Variants in TRPC7 observed in about 807,000 individuals in gnomAD.
The protein encoded by TRPC7 is short transient receptor potential channel 7.
TRPC7 carries 42 observed loss-of-function variants against 90.1 expected under a neutral mutation model. That is an observed-to-expected ratio of 0.47 (90% CI 0.36 to 0.60). The LOEUF (loss-of-function observed/expected upper bound fraction) is 0.60. Ranked by LOEUF, TRPC7 falls within the 20% of genes least tolerant of loss-of-function variation. The pLI, the probability that TRPC7 is intolerant of heterozygous loss-of-function variation, is 0.00. For synonymous variants in TRPC7, 451 were observed against 436.3 expected (o/e 1.03, Z -0.42); for missense variants, 955 against 1,112.3 (o/e 0.86, Z 2.01).
chr5:136,357,121 C>T lies in TRPC7; in HGVS notation c.267G>A (p.Glu89=), dbSNP rs1368183118. Residue 89 remains glutamate (E), a synonymous_variant, in exon 2 of 12, where the codon GAG becomes GAA. Coordinates refer to ENST00000513104, the MANE Select transcript of TRPC7 (RefSeq NM_020389.3). ...GCAGCAGCTCCGTGACCTCTAGGTG[C>T]TCGTTGCCCACGGCCAGCTGCAGAG... ...QNALQLAVGN[E]HLEVTELLLK... The T allele has an allele frequency of 1.2e-6, 2 of 1,614,024 alleles. No homozygotes were observed. Among genetic ancestry groups the T allele is most frequent in the Non-Finnish European group, 1.7e-6 (2 of 1,180,038 alleles).
At chr5:136,228,590 C>T (rs1335610385) in intron 8 of TRPC7, among the ~76,000 whole-genome samples, 1 of 147,238 alleles carries the variant, frequency 6.8e-6, no homozygotes, top group Non-Finnish European at 1.5e-5. Flanking sequence ...GCAGAGCTCT[C>T]TGCTGGAGAA....
Position 136,357,111 on chromosome 5 carries a change from C to T in TRPC7, c.277G>A (p.Val93Ile). ...QLAVGNEHLE[V>I]TELLLKKENL... ...TCCTTCTTCAGCAGCAGCTCCGTGACCTCTAGGTGCTCGTTGCCCACGGCC... is the reference window on the plus strand; with the variant it reads ...TCCTTCTTCAGCAGCAGCTCCGTGATCTCTAGGTGCTCGTTGCCCACGGCC... The change falls in exon 2 of 12, where the codon GTC becomes ATC. Residue 93 changes from valine to isoleucine, a missense_variant. By Grantham distance (29) the Val-to-Ile change is conservative. Transcript: ENST00000513104. 6.2e-7 allele frequency: 1 copy of T among 1,614,134 alleles called. No individual in the cohort carries two copies. Among genetic ancestry groups the T allele is most frequent in the Non-Finnish European group, 8.5e-7 (1 of 1,180,014 alleles).
At position 136,356,862 on chromosome 5, in the gene TRPC7, C is replaced by T. The variant is rs1488830808; in HGVS notation, c.526G>A (p.Glu176Lys). 6.2e-7 allele frequency: 1 copy of T among 1,613,934 alleles called. No homozygotes were observed. Among genetic ancestry groups the T allele is most frequent in the East Asian group, 2.2e-5 (1 of 44,862 alleles). ...TPIILAAHCQ[E>K]YEIVHILLLK... ...AGCAGGATGTGCACGATCTCATACT[C>T]CTGGCAGTGCGCCGCCAGGATGATG... is the stretch of plus-strand genomic sequence containing the variant. The change falls in exon 2 of 12, where the codon GAG (glutamate) becomes AAG (lysine). Residue 176 changes from glutamate to lysine, a missense_variant. Around this residue, in one of 4 missense-constraint regions of TRPC7, gnomAD observed 484 missense variants for 509.6 expected, o/e 0.95. Coordinates refer to ENST00000513104, the MANE Select transcript of TRPC7 (RefSeq NM_020389.3).
intron 2 of TRPC7, among the ~76,000 whole-genome samples, chr5:136,323,863 G>C (rs989883684): frequency 2.0e-5 from 3 of 152,198 alleles, no homozygotes; most frequent in Admixed American, 1.3e-4. Context: ...TCTACAAGAA[G>C]TTCTGCTGAA....
Position 136,231,343 on chromosome 5 carries a change from C to A in TRPC7, c.2040+11G>T. 1 of 1,581,234 alleles carries A rather than the reference C, an allele frequency of 6.3e-7. No homozygotes were observed. Among genetic ancestry groups the A allele is most frequent in the Non-Finnish European group, 8.6e-7 (1 of 1,157,586 alleles). On this transcript the variant is annotated intron_variant, in intron 8 of 11. Transcript: ENST00000513104. ...GAAGGAGAGCAAGCATTTTCAGTGA[C>A]CTGGCCTTACCTCAATTTCCTGATA...
At chr5:136,272,840 A>G (rs1014479690) in intron 4 of TRPC7, among the ~76,000 whole-genome samples, 1 of 151,980 alleles carries the variant, frequency 6.6e-6, no homozygotes, top group Admixed American at 6.6e-5. Flanking sequence ...AGGTGCTATT[A>G]CCTTCCTGGA....
In TRPC7 at chr5:136,339,839, GCAACAACAACAA is replaced by G. The variant is rs10573372; in HGVS notation, c.780+16757_780+16768del. 1.1e-4 allele frequency among the ~76,000 whole-genome samples: 15 copies of G among 138,222 alleles called. No individual in the cohort carries two copies. The East Asian group carries it at 2.5e-3, about 23-fold the overall frequency. The allele number at this position is 138,222 out of a possible 152,430, so 90.7% of individuals were successfully genotyped here. ...TGGTGATAATTAAACTCTCTCTACTGCAACAACAACAACAACAACAACAACAACAACAACAAA... is the reference window on the plus strand; with the variant it reads ...TGGTGATAATTAAACTCTCTCTACTGCAACAACAACAACAACAACAACAAA... On this transcript the variant is annotated intron_variant, in intron 2 of 11. Transcript: ENST00000513104.
chr5:136,217,152 GAGGA>G (rs1018555996), intron 10 of TRPC7, among the ~76,000 whole-genome samples: 2 of 152,210 alleles, frequency 1.3e-5, no homozygotes, highest in African/African-American at 4.8e-5. Context: ...GTGTGGAAGA[GAGGA>G]AGGGATTTCC....
Position 136,337,723 on chromosome 5 carries a change from T to A in TRPC7, c.780+18885A>T, listed in dbSNP as rs147038052. Among the ~76,000 whole-genome samples, 212 of 151,548 alleles carry A rather than the reference T, an allele frequency of 1.4e-3. 1 individual carries two copies. The highest frequency in any genetic ancestry group is 4.8e-3 in the African/African-American group (198 of 41,322). Reference sequence around the variant, plus strand: ...AAGACTTCAAATTTCCAATGTGCTATGAGAAAACATTGGGTGAATTATTTA... The same window carrying A: ...AAGACTTCAAATTTCCAATGTGCTAAGAGAAAACATTGGGTGAATTATTTA... On this transcript the variant is annotated intron_variant, in intron 2 of 11. Coordinates refer to ENST00000513104, the MANE Select transcript of TRPC7 (RefSeq NM_020389.3).
chr5:136,356,556 T>G (rs778268400), intron 2 of TRPC7, 52 bp downstream of exon 2: 20 of 1,476,940 alleles, frequency 1.4e-5, no homozygotes, highest in Non-Finnish European at 1.7e-5. Flanking sequence ...TGGACACACG[T>G]GGAAGAGCCC....
intron 3 of TRPC7, among the ~76,000 whole-genome samples, chr5:136,295,535 C>T (rs2149827447): frequency 6.6e-6 from 1 of 152,192 alleles, no homozygotes; most frequent in South Asian, 2.1e-4. Flanking sequence ...CCCCAGTAGT[C>T]CCCAGTGCCC....
intron 3 of TRPC7, among the ~76,000 whole-genome samples, chr5:136,299,144 A>T (rs1195933823): frequency 1.3e-5 from 2 of 152,056 alleles, no homozygotes; most frequent in Admixed American, 6.5e-5. Context: ...TCTACTAAAA[A>T]TACAAAATTA....
chr5:136,269,657 GAAAGT>G (rs761083796), intron 4 of TRPC7, among the ~76,000 whole-genome samples: 1 of 152,208 alleles, frequency 6.6e-6, no homozygotes, highest in Non-Finnish European at 1.5e-5. Context: ...GAAACTGAGT[GAAAGT>G]AAACTTGGAT....
intron 2 of TRPC7, among the ~76,000 whole-genome samples, chr5:136,322,018 G>T (rs1338263834): frequency 6.6e-6 from 1 of 151,364 alleles, no homozygotes; most frequent in African/African-American, 2.4e-5. Flanking sequence ...TCCTGTACAA[G>T]ATTTTTTTTT....
intron 3 of TRPC7, among the ~76,000 whole-genome samples, chr5:136,278,255 T>C (rs1757428284): frequency 6.6e-6 from 1 of 152,258 alleles, no homozygotes; most frequent in Non-Finnish European, 1.5e-5. Flanking sequence ...AGGAAACTCC[T>C]CCTGGAGGGC....
At chr5:136,298,716 TC>T in intron 3 of TRPC7, among the ~76,000 whole-genome samples, 1 of 152,270 alleles carries the variant, frequency 6.6e-6, no homozygotes, top group South Asian at 2.1e-4. Flanking sequence ...CCCAGGCTCC[TC>T]ACCAAGTCAA....
At position 136,216,270 on chromosome 5, in the gene TRPC7, G is replaced by T; in HGVS notation, c.2349C>A (p.Ile783=). 2 of 1,612,336 alleles carry T rather than the reference G, an allele frequency of 1.2e-6. No individual in the cohort carries two copies. The highest frequency in any genetic ancestry group is 2.2e-5 in the South Asian group (2 of 90,578). ...CGTATCTTTTTATGAGCCGTTTCAT[G>T]ATTTTCTGAAATGCCAAGCAAGGAA... is the stretch of plus-strand genomic sequence containing the variant. The part of the protein sequence containing the change: ...TLSKPTRYQK[I]MKRLIKRYVL... The change falls in exon 11 of 12, where the codon ATC becomes ATA. Residue 783 remains isoleucine, a synonymous_variant. Transcript: ENST00000513104.
At chr5:136,289,796 G>T (rs1290780521) in intron 3 of TRPC7, among the ~76,000 whole-genome samples, 1 of 152,196 alleles carries the variant, frequency 6.6e-6, no homozygotes, top group Non-Finnish European at 1.5e-5. Context: ...AGAGAGTAGT[G>T]GTTCTCCCAG....
chr5:136,351,786 G>A (rs1018724793), intron 2 of TRPC7, among the ~76,000 whole-genome samples: 2 of 152,140 alleles, frequency 1.3e-5, no homozygotes, highest in African/African-American at 4.8e-5. Flanking sequence ...ATCATTATTT[G>A]CATTTTTAAT....
Sources: gnomAD v4.1 joint callset for allele counts (sites outside exome capture counted in the v4.1 genomes callset) on GRCh38, gnomAD v4.1.1 for gene constraint, gnomAD v4.1.1 regional missense constraint, MANE v1.5 for transcripts, NCBI Gene and HGNC (gene_info 2026-07-23, HGNC 2026-07-21) for gene names.